VWA5B1: variants seen among roughly 807,000 people sequenced by gnomAD.
VWA5B1 encodes von Willebrand factor A domain containing 5B1.
VWA5B1 carries 115 observed loss-of-function variants against 118.2 expected under a neutral mutation model. The observed-to-expected ratio is 0.97, with a 90% CI of 0.84 to 1.14. The LOEUF (loss-of-function observed/expected upper bound fraction) is 1.14, where lower values mean the gene tolerates loss of function less well. VWA5B1 is among the 50% of genes most tolerant of loss of function. The pLI is 0.00. For synonymous variants in VWA5B1, 682 were observed against 658.4 expected (o/e 1.04, Z -0.55); for missense variants, 1,596 against 1,603.8 (o/e 1.00, Z 0.08).
intron 18 of VWA5B1, 21 bp downstream of exon 18, chr1:20,348,379 A>G: frequency 5.2e-6 from 8 of 1,551,188 alleles, no homozygotes; most frequent in Non-Finnish European, 6.1e-6. Context: ...GGCCCTAAGT[A>G]AGAGCCACCC....
intron 8 of VWA5B1, among the ~76,000 whole-genome samples, chr1:20,323,929 C>G (rs546455343): frequency 3.9e-5 from 6 of 152,298 alleles, no homozygotes; most frequent in Admixed American, 2.0e-4. Context: ...TAATCTTATG[C>G]GTTTGATCCT....
intron 1 of VWA5B1, among the ~76,000 whole-genome samples, chr1:20,296,047 G>A (rs2088400556): frequency 6.6e-6 from 1 of 152,088 alleles, no homozygotes; most frequent in Non-Finnish European, 1.5e-5. Flanking sequence ...ATTTTTAGTA[G>A]AAACAGAATT....
rs973617257 is a variant in VWA5B1 at position 20,355,417 on chromosome 1, G to T, written c.*1154G>T. On this transcript the variant is annotated 3_prime_UTR_variant, in exon 22 of 22. Transcript: ENST00000289815. ...CAGATACCCTAATGGCTGGCATAGA[G>T]CTGCCCAGTCTCCTCTTCCCCACTG... is the stretch of plus-strand genomic sequence containing the variant. Among the ~76,000 whole-genome samples the T allele has an allele frequency of 6.6e-6, 1 of 152,238 alleles. No individual in the cohort carries two copies. The highest frequency in any genetic ancestry group is 1.9e-4 in the East Asian group (1 of 5,198).
chr1:20,321,735 C>A (rs1266380332), intron 7 of VWA5B1, among the ~76,000 whole-genome samples: 1 of 151,600 alleles, frequency 6.6e-6, no homozygotes, highest in Non-Finnish European at 1.5e-5. Context: ...AAGAGCCCAA[C>A]GTGGGAGGAA....
chr1:20,340,225 T>C (rs927943617), intron 14 of VWA5B1, among the ~76,000 whole-genome samples: 2 of 150,924 alleles, frequency 1.3e-5, no homozygotes, highest in Admixed American at 6.6e-5. Context: ...ACACACTCCA[T>C]GCACCCTCTG....
intron 7 of VWA5B1, among the ~76,000 whole-genome samples, chr1:20,321,704 G>A (rs755483537): frequency 1.5e-4 from 23 of 151,322 alleles, no homozygotes; most frequent in African/African-American, 2.7e-4. Context: ...CCTGTCTGAG[G>A]ATGAGACCTG....
At chr1:20,349,884 G>A (rs1017523257) in intron 18 of VWA5B1, among the ~76,000 whole-genome samples, 2 of 152,152 alleles carry the variant, frequency 1.3e-5, no homozygotes, top group Non-Finnish European at 2.9e-5. Context: ...CAATCAAAAT[G>A]TATAAAGTAA....
At position 20,336,383 on chromosome 1, in the gene VWA5B1, C is replaced by A; in HGVS notation, c.1839C>A (p.Pro613=). The A allele has an allele frequency of 6.5e-7, 1 of 1,526,786 alleles. No homozygotes were observed. The allele number at this position is 1,526,786 out of a possible 1,614,324, so 94.6% of individuals were successfully genotyped here. A position where few individuals can be genotyped will look rare whatever the true frequency, so the allele number is the denominator to read the frequency against. The change falls in exon 13 of 22, where the codon CCC becomes CCA. Residue 613 remains proline (P), a synonymous_variant. Transcript: ENST00000289815. Reference sequence around the variant, plus strand: ...TCTACCACTCTCAGGATGACGGACCCGGGCTGGAAGGTGGAGACTGTGCCA... The same window carrying A: ...TCTACCACTCTCAGGATGACGGACCAGGGCTGGAAGGTGGAGACTGTGCCA... ...SVFYHSQDDG[P]GLEGGDCAKN...
intron 14 of VWA5B1, among the ~76,000 whole-genome samples, chr1:20,341,936 C>G (rs1189956566): frequency 1.3e-5 from 2 of 152,118 alleles, no homozygotes; most frequent in Non-Finnish European, 2.9e-5. Flanking sequence ...AAATCTGATT[C>G]CTTTCTCCTT....
chr1:20,293,900 G>A (rs1014686933), intron 1 of VWA5B1, among the ~76,000 whole-genome samples: 3 of 152,230 alleles, frequency 2.0e-5, no homozygotes, highest in African/African-American at 7.2e-5. Context: ...TGGGTGGACA[G>A]AGAGGAGCAG....
rs538388864 is a variant in VWA5B1, at chr1:20,342,392, C to T, written c.2134-40C>T. 49 of 1,542,396 alleles carry T rather than the reference C, an allele frequency of 3.2e-5. No individual in the cohort carries two copies. In the African/African-American group the frequency reaches 4.4e-4, roughly 14 times the overall value. ...TCCTTCTCCTCCTCCTCCTCCTCCT[C>T]GTCCTCCTCCTCTTTCTCTTTCTCC... On this transcript the variant is annotated intron_variant, in intron 14 of 21. Transcript: ENST00000289815.
intron 9 of VWA5B1, among the ~76,000 whole-genome samples, chr1:20,328,311 C>G (rs1467463762): frequency 6.6e-6 from 1 of 152,182 alleles, no homozygotes; most frequent in Non-Finnish European, 1.5e-5. Context: ...AGGCCTGCCA[C>G]TCACTGAAGC....
rs59044353 is a variant in VWA5B1 at position 20,309,907 on chromosome 1, CTGTGTGTGTG to C, written c.-26-629_-26-620del. ...CACATGGGTCTTGGCGATGGATTGG[CTGTGTGTGTG>C]TGTGTGTGTGTGTGTGTGTGTGTGT... On this transcript the variant is annotated intron_variant, in intron 1 of 21. Coordinates refer to ENST00000289815, the MANE Select transcript of VWA5B1 (RefSeq NM_001039500.3). Among the ~76,000 whole-genome samples the C allele has an allele frequency of 7.5e-3, 643 of 85,484 alleles. 11 individuals are homozygous for C. The highest frequency in any genetic ancestry group is 0.021 in the African/African-American group (437 of 20,450). The allele number at this position is 85,484 out of a possible 152,430, so 56.1% of individuals were successfully genotyped here.
At chr1:20,310,139 A>G (rs2088803134) in intron 1 of VWA5B1, among the ~76,000 whole-genome samples, 1 of 152,104 alleles carries the variant, frequency 6.6e-6, no homozygotes, top group Non-Finnish European at 1.5e-5. Flanking sequence ...GTGGTGAGCT[A>G]TTCCAACGCT....
intron 16 of VWA5B1, 93 bp downstream of exon 16, chr1:20,343,486 G>A (rs2089935494): frequency 6.3e-6 from 9 of 1,427,648 alleles, no homozygotes; most frequent in Non-Finnish European, 7.3e-6. Flanking sequence ...CGCCCCCGGT[G>A]ATCCTCTCAG....
chr1:20,354,176 CG>C lies in VWA5B1; in HGVS notation c.3562del (p.Ala1188LeufsTer30). On this transcript the variant is annotated frameshift_variant, in exon 22 of 22. Transcript: ENST00000289815. LOFTEE classifies it high-confidence loss of function. ...EGRTQGTLKA[A>X]ARQLFVLLRH... is the part of the protein sequence containing the mutation. Reference sequence around the variant, plus strand: ...GCCGCACGCAGGGCACACTCAAGGCCGCTGCCCGCCAGCTGTTTGTGCTTCT... The same window carrying C: ...GCCGCACGCAGGGCACACTCAAGGCCCTGCCCGCCAGCTGTTTGTGCTTCT... 1.3e-6 allele frequency: 2 copies of C among 1,551,266 alleles called. No individual in the cohort carries two copies. Among genetic ancestry groups the C allele is most frequent in the Non-Finnish European group, 1.7e-6 (2 of 1,146,992 alleles).
chr1:20,353,015 G>A (rs111359769), intron 21 of VWA5B1, among the ~76,000 whole-genome samples: 1 of 152,240 alleles, frequency 6.6e-6, no homozygotes, highest in Non-Finnish European at 1.5e-5. Flanking sequence ...GTTTGGTTGG[G>A]GAGTACAGGG....
intron 4 of VWA5B1, among the ~76,000 whole-genome samples, chr1:20,315,652 G>C (rs1393237726): frequency 6.6e-6 from 1 of 152,172 alleles, no homozygotes; most frequent in Admixed American, 6.5e-5. Flanking sequence ...TGTGCAGGGA[G>C]AGTCACAAGT....
rs1436923479 is a variant in VWA5B1 at position 20,342,368 on chromosome 1, C to T, written c.2134-64C>T. The T allele has an allele frequency of 2.0e-6, 3 of 1,512,504 alleles. No homozygotes were observed. In the African/African-American group the frequency reaches 4.2e-5, roughly 21 times the overall value. 93.7% of individuals were successfully genotyped at this position (1,512,504 alleles called of 1,614,324 possible). On this transcript the variant is annotated intron_variant, in intron 14 of 21. Transcript: ENST00000289815. Reference sequence around the variant, plus strand: ...CCAGCCACCAGGAGCTCTTCCTCCTCCTTCTCCTCCTCCTCCTCCTCCTCG... The same window carrying T: ...CCAGCCACCAGGAGCTCTTCCTCCTTCTTCTCCTCCTCCTCCTCCTCCTCG...
Sources: gnomAD v4.1 joint callset for allele counts (sites outside exome capture counted in the v4.1 genomes callset) on GRCh38, gnomAD v4.1.1 for gene constraint, MANE v1.5 for transcripts, NCBI Gene and HGNC (gene_info 2026-07-23, HGNC 2026-07-21) for gene names.